The following FSTL4 variants were observed in gnomAD, a reference collection of about 807,000 sequenced individuals.
FSTL4 encodes the protein follistatin-related protein 4.
FSTL4 carries 28 observed loss-of-function variants against 78.2 expected under a neutral mutation model. The observed-to-expected ratio is 0.36, with a 90% confidence interval of 0.27 to 0.49. The LOEUF is 0.49. FSTL4 is among the 20% of genes least tolerant of loss of function. FSTL4 has a pLI of 0.98. For missense variants in FSTL4, 922 were observed against 1,084.9 expected, an observed-to-expected ratio of 0.85 and a Z score of 2.11; for synonymous variants, 422 against 440.5, an observed-to-expected ratio of 0.96 and a Z score of 0.53.
At chr5:133,816,610 C>T in the FSTL4 span, among the ~76,000 whole-genome samples, 1 of 152,176 alleles carries the variant, frequency 6.6e-6, no homozygotes, top group Non-Finnish European at 1.5e-5. Context: ...AGTGTCTAAG[C>T]GAGCAAGTGC....
intron 6 of FSTL4, among the ~76,000 whole-genome samples, chr5:133,279,351 C>A (rs1752961281): frequency 6.6e-6 from 1 of 152,168 alleles, no homozygotes; most frequent in Non-Finnish European, 1.5e-5. Context: ...GAATCTAATG[C>A]CTGATGATCT....
chr5:133,620,102 T>G, the FSTL4 span, among the ~76,000 whole-genome samples: 2 of 152,218 alleles, frequency 1.3e-5, no homozygotes, highest in African/African-American at 4.8e-5. Context: ...GGGGATAGAA[T>G]GTATACAAAA....
intron 2 of FSTL4, among the ~76,000 whole-genome samples, chr5:133,600,423 G>T (rs113748949): frequency 0.031 from 1,433 of 46,400 alleles, 29 homozygotes; most frequent in African/African-American, 0.087. Context: ...TAGGATAAAG[G>T]GGGGGGGGAT....
chr5:133,391,231 C>A (rs1561698233), intron 4 of FSTL4, among the ~76,000 whole-genome samples: 1 of 152,138 alleles, frequency 6.6e-6, no homozygotes, highest in Admixed American at 6.5e-5. Flanking sequence ...GGCTGCTACA[C>A]GGGGGCCTTG....
Position 133,224,213 on chromosome 5 carries a change from G to C in FSTL4, c.1316C>G (p.Ala439Gly). 6.2e-7 allele frequency: 1 copy of C among 1,612,254 alleles called. No individual in the cohort carries two copies. The highest frequency in any genetic ancestry group is 8.5e-7 in the Non-Finnish European group (1 of 1,178,406). ...ACCTTCCTCTCGCCACAGGATGTTT[G>C]CAACTGCAGCAGCAGAGAATGAGGA... ...FIEDSARKTLANILWREEGLS... is the reference protein window; with the variant it reads ...FIEDSARKTLGNILWREEGLS... The change falls in exon 11 of 16, where the codon GCA becomes GGA. Residue 439 changes from alanine to glycine, a missense_variant. By Grantham distance (60) the Ala-to-Gly change is moderately conservative. Coordinates refer to ENST00000265342, the MANE Select transcript of FSTL4 (RefSeq NM_015082.2).
chr5:133,736,495 G>GA, the FSTL4 span, among the ~76,000 whole-genome samples: 2 of 152,060 alleles, frequency 1.3e-5, no homozygotes, highest in Non-Finnish European at 2.9e-5. Context: ...CTGCTAATCT[G>GA]AAAAAAAGAA....
the FSTL4 span, among the ~76,000 whole-genome samples, chr5:133,719,090 T>G: frequency 1.3e-5 from 2 of 152,218 alleles, no homozygotes; most frequent in African/African-American, 4.8e-5. Context: ...AATCTTCTGT[T>G]TTTGAATATC....
intron 6 of FSTL4, among the ~76,000 whole-genome samples, chr5:133,265,181 G>C (rs1415448603): frequency 6.6e-6 from 1 of 150,938 alleles, no homozygotes; most frequent in Non-Finnish European, 1.5e-5. Context: ...CGGAGGGAGC[G>C]GGCTCCTCTG....
chr5:133,783,186 T>C, the FSTL4 span, among the ~76,000 whole-genome samples: 1 of 152,144 alleles, frequency 6.6e-6, no homozygotes, highest in Non-Finnish European at 1.5e-5. Flanking sequence ...TCCAAAGACC[T>C]CTGTGGCTTC....
intron 3 of FSTL4, among the ~76,000 whole-genome samples, chr5:133,447,541 T>C (rs1206540310): frequency 6.6e-6 from 1 of 152,062 alleles, no homozygotes; most frequent in African/African-American, 2.4e-5. Flanking sequence ...TAATTTCTTT[T>C]TCTTCTCTTT....
At chr5:133,701,509 A>ACACACCC in the FSTL4 span, among the ~76,000 whole-genome samples, 598 of 132,670 alleles carry the variant, frequency 4.5e-3, 6 homozygotes, top group African/African-American at 0.014. Flanking sequence ...ACACACACAC[A>ACACACCC]CCCCACAGGC....
intron 3 of FSTL4, among the ~76,000 whole-genome samples, chr5:133,413,239 A>G (rs1756514467): frequency 6.6e-6 from 1 of 152,114 alleles, no homozygotes. Context: ...TTTATTCCTC[A>G]TAATTCCTTC....
At chr5:133,665,918 TG>T in the FSTL4 span, among the ~76,000 whole-genome samples, 1 of 152,208 alleles carries the variant, frequency 6.6e-6, no homozygotes, top group African/African-American at 2.4e-5. Flanking sequence ...GCCTGCAAGC[TG>T]GGCCACTGCA....
chr5:133,318,603 T>G (rs1255925170), intron 4 of FSTL4, among the ~76,000 whole-genome samples: 1 of 152,172 alleles, frequency 6.6e-6, no homozygotes, highest in African/African-American at 2.4e-5. Context: ...CAGGACTTCC[T>G]GGAGTGGGGG....
At chr5:133,678,640 C>T in the FSTL4 span, among the ~76,000 whole-genome samples, 1 of 152,028 alleles carries the variant, frequency 6.6e-6, no homozygotes, top group Admixed American at 6.6e-5. Flanking sequence ...CTGAGGCATA[C>T]AAGTGGAGCT....
intron 6 of FSTL4, among the ~76,000 whole-genome samples, chr5:133,264,238 A>C (rs1464644332): frequency 2.0e-5 from 3 of 152,224 alleles, no homozygotes; most frequent in Non-Finnish European, 4.4e-5. Flanking sequence ...ATTAATAACC[A>C]CAATGCTAGC....
At position 133,225,035 on chromosome 5, in the gene FSTL4, CCT is replaced by C. The variant is rs1751280990; in HGVS notation, c.1312+113_1312+114del. On this transcript the variant is annotated intron_variant, in intron 10 of 15. Coordinates refer to ENST00000265342, the MANE Select transcript of FSTL4 (RefSeq NM_015082.2). The surrounding 1 kb of genome is among the most constrained non-coding windows in gnomAD (Gnocchi z 4.6). Reference sequence around the variant, plus strand: ...TGCAAAGAGGGATATGAGGCTTACCCCTGTCTTCACGGGCTCATGGTTGGCAG... The same window carrying C: ...TGCAAAGAGGGATATGAGGCTTACCCGTCTTCACGGGCTCATGGTTGGCAG... 4.9e-6 allele frequency: 6 copies of C among 1,218,032 alleles called. No individual in the cohort carries two copies. The highest frequency in any genetic ancestry group is 1.8e-5 in the Admixed American group (1 of 57,032). The allele number at this position is 1,218,032 out of a possible 1,614,324, so 75.5% of individuals were successfully genotyped here. A position where few individuals can be genotyped will look rare whatever the true frequency, so the allele number is the denominator to read the frequency against.
chr5:133,674,503 T>C, the FSTL4 span, among the ~76,000 whole-genome samples: 1 of 152,204 alleles, frequency 6.6e-6, no homozygotes, highest in Non-Finnish European at 1.5e-5. Flanking sequence ...GCTAACTTTA[T>C]TAATTTAGAT....
At chr5:133,684,152 C>A in the FSTL4 span, among the ~76,000 whole-genome samples, 3 of 152,222 alleles carry the variant, frequency 2.0e-5, no homozygotes, top group African/African-American at 4.8e-5. Flanking sequence ...GATCATTAAG[C>A]TCTGCGTTCG....
Sources: gnomAD v4.1 joint callset for allele counts (sites outside exome capture counted in the v4.1 genomes callset) on GRCh38, gnomAD v4.1.1 for gene constraint, Gnocchi (gnomAD v3.1) non-coding constraint, MANE v1.5 for transcripts, NCBI Gene and HGNC (gene_info 2026-07-23, HGNC 2026-07-21) for gene names.